NELL2: variants seen among roughly 807,000 people sequenced by gnomAD.
NELL2 encodes the protein neural EGFL like 2.
A neutral mutation model predicts 109.6 loss-of-function variants in NELL2; 41 were observed. The ratio of observed to expected loss-of-function variants is 0.37; its 90% CI spans 0.29 to 0.49. The LOEUF (loss-of-function observed/expected upper bound fraction) is 0.49, where lower values mean the gene tolerates loss of function less well. Ranked by LOEUF, NELL2 falls within the 20% of genes least tolerant of loss-of-function variation. The pLI, the probability that NELL2 is intolerant of heterozygous loss-of-function variation, is 0.98. For missense variants in NELL2, 900 were observed against 1,008.3 expected, an observed-to-expected ratio of 0.89 and a Z score of 1.45; for synonymous variants, 355 against 344.7, an observed-to-expected ratio of 1.03 and a Z score of -0.33.
rs1348145052 is a variant in NELL2, at chr12:44,780,009, C to T, written c.349G>A (p.Glu117Lys). ...ACTTCATTCCGATGGCCACTACTTT[C>T]CAGTTCCAGGTACCTGCAGAGAGAA... Reference protein sequence around the residue: ...HHLDHRYLELESSGHRNEVRL... With the variant: ...HHLDHRYLELKSSGHRNEVRL... The change falls in exon 4 of 20, where the codon GAA becomes AAA. Residue 117 changes from glutamate (E) to lysine (K), a missense_variant. Physicochemically the swap from Glu to Lys is moderately conservative, Grantham distance 56. This residue lies in a region of NELL2 where 200 missense variants were observed against 191.8 expected (regional missense o/e 1.04). Transcript: ENST00000429094. 6.2e-7 allele frequency: 1 copy of T among 1,613,498 alleles called. No individual in the cohort carries two copies. Among genetic ancestry groups the T allele is most frequent in the Non-Finnish European group, 8.5e-7 (1 of 1,179,670 alleles).
intron 9 of NELL2, among the ~76,000 whole-genome samples, chr12:44,739,689 G>A (rs190363458): frequency 3.3e-3 from 507 of 152,188 alleles, no homozygotes; most frequent in Middle Eastern, 6.8e-3. Flanking sequence ...TCAGCAGTTC[G>A]GGACCAGCCT....
intron 15 of NELL2, among the ~76,000 whole-genome samples, chr12:44,601,809 C>T (rs1275619406): frequency 3.3e-5 from 5 of 151,912 alleles, no homozygotes; most frequent in South Asian, 2.1e-4. Context: ...TCTACATGCA[C>T]AAATTAAGGC....
At chr12:44,540,784 A>AG (rs1942521089) in intron 15 of NELL2, among the ~76,000 whole-genome samples, 1 of 148,264 alleles carries the variant, frequency 6.7e-6, no homozygotes, top group African/African-American at 2.5e-5. Context: ...TGCAAGCCAA[A>AG]AAAAAAAAAA....
chr12:44,875,609 C>T, intron 1 of NELL2: 10 of 1,613,140 alleles, frequency 6.2e-6, no homozygotes, highest in Non-Finnish European at 6.8e-6. Flanking sequence ...GCCCTCCGAC[C>T]CTGGACTAGG....
intron 5 of NELL2, among the ~76,000 whole-genome samples, chr12:44,777,981 G>A (rs1413079669): frequency 6.6e-6 from 1 of 152,110 alleles, no homozygotes; most frequent in Non-Finnish European, 1.5e-5. Context: ...AGTCATTAAG[G>A]TATAATTAGC....
intron 9 of NELL2, among the ~76,000 whole-genome samples, chr12:44,727,327 C>T: frequency 6.6e-6 from 1 of 151,798 alleles, no homozygotes; most frequent in East Asian, 1.9e-4. Context: ...GGTGTAGACT[C>T]ATCCAACTAG....
intron 1 of NELL2, among the ~76,000 whole-genome samples, chr12:44,901,554 C>T (rs1945661280): frequency 6.6e-6 from 1 of 152,156 alleles, no homozygotes; most frequent in Admixed American, 6.6e-5. Context: ...TTTTATGAGG[C>T]CAGCCTCATC....
intron 15 of NELL2, among the ~76,000 whole-genome samples, chr12:44,566,566 C>CACACACACACACACACACACAGAG (rs377368706): frequency 5.3e-4 from 73 of 138,510 alleles, no homozygotes; most frequent in African/African-American, 1.8e-3. Context: ...CACACACACA[C>CACACACACACACACACACACAGAG]AGAGTTTTAT....
At chr12:44,853,738 T>C (rs1944596602) in intron 2 of NELL2, among the ~76,000 whole-genome samples, 1 of 152,188 alleles carries the variant, frequency 6.6e-6, no homozygotes, top group Admixed American at 6.5e-5. Context: ...TGAATGATAG[T>C]GTCATAAAAT....
rs1032979182 is a variant in NELL2, at chr12:44,722,063, T to C, written c.995-7322A>G. Among the ~76,000 whole-genome samples, 31 of 151,928 alleles carry C rather than the reference T, an allele frequency of 2.0e-4. 1 individual carries two copies. Among genetic ancestry groups the C allele is most frequent in the African/African-American group, 1.5e-4 (6 of 41,354 alleles). On this transcript the variant is annotated intron_variant, in intron 9 of 19. Coordinates refer to ENST00000429094, the MANE Select transcript of NELL2 (RefSeq NM_001145108.2). ...CTGAGGACAGAAAAATTTGATAGCA[T>C]ACTGGAGATGGAACAGGAGAAGGAA...
intron 15 of NELL2, among the ~76,000 whole-genome samples, chr12:44,589,829 T>C (rs1267653383): frequency 2.6e-5 from 4 of 152,214 alleles, no homozygotes; most frequent in Non-Finnish European, 5.9e-5. Flanking sequence ...ATTCTCACAC[T>C]GAATATCACC....
chr12:44,648,729 ATATT>A (rs1349736731), intron 13 of NELL2, among the ~76,000 whole-genome samples: 79 of 100,754 alleles, frequency 7.8e-4, no homozygotes, highest in African/African-American at 3.4e-3. Flanking sequence ...ATATATATAT[ATATT>A]TTTTTTTTTT....
intron 15 of NELL2, among the ~76,000 whole-genome samples, chr12:44,533,772 A>T (rs940803137): frequency 3.3e-5 from 5 of 152,144 alleles, no homozygotes; most frequent in African/African-American, 1.2e-4. Context: ...TCTCCTTCTC[A>T]TTAGCTCCTG....
chr12:44,521,331 C>A (rs1489896898), intron 18 of NELL2, among the ~76,000 whole-genome samples: 2 of 151,828 alleles, frequency 1.3e-5, no homozygotes, highest in Non-Finnish European at 2.9e-5. Context: ...GAGATCGAGA[C>A]CATCCCGGCT....
chr12:44,799,198 T>C (rs1942743456), intron 3 of NELL2, among the ~76,000 whole-genome samples: 1 of 152,050 alleles, frequency 6.6e-6, no homozygotes, highest in Admixed American at 6.6e-5. Context: ...GACCTCGTGT[T>C]CCACCCATCT....
intron 1 of NELL2, among the ~76,000 whole-genome samples, chr12:44,903,588 C>T (rs774582016): frequency 3.3e-5 from 5 of 152,080 alleles, no homozygotes; most frequent in East Asian, 1.9e-4. Context: ...TACATGCACA[C>T]GTATGTTTAT....
chr12:44,631,675 T>G (rs1946461562), intron 13 of NELL2, among the ~76,000 whole-genome samples: 1 of 152,016 alleles, frequency 6.6e-6, no homozygotes, highest in Non-Finnish European at 1.5e-5. Context: ...ACCCCATGAA[T>G]CTAAAATAAA....
At chr12:44,677,797 T>A (rs1433382256) in intron 12 of NELL2, among the ~76,000 whole-genome samples, 1 of 152,098 alleles carries the variant, frequency 6.6e-6, no homozygotes, top group Non-Finnish European at 1.5e-5. Context: ...GATAATATCC[T>A]TCTTTTTTAA....
At chr12:44,579,166 T>C (rs1230631461) in intron 15 of NELL2, among the ~76,000 whole-genome samples, 1 of 152,218 alleles carries the variant, frequency 6.6e-6, no homozygotes, top group Non-Finnish European at 1.5e-5. Flanking sequence ...ATTGTTGTCA[T>C]TTTGATTTGT....
Sources: gnomAD v4.1 joint callset for allele counts (sites outside exome capture counted in the v4.1 genomes callset) on GRCh38, gnomAD v4.1.1 for gene constraint, gnomAD v4.1.1 regional missense constraint, MANE v1.5 for transcripts, NCBI Gene and HGNC (gene_info 2026-07-23, HGNC 2026-07-21) for gene names.